The following ZC2HC1A variants were observed in gnomAD, a reference collection of about 807,000 sequenced individuals.
ZC2HC1A encodes zinc finger C2HC domain-containing protein 1A.
ZC2HC1A carries 28 observed loss-of-function variants against 40.7 expected under a neutral mutation model. The ratio of observed to expected loss-of-function variants is 0.69; its 90% CI spans 0.51 to 0.94. The LOEUF (loss-of-function observed/expected upper bound fraction) is 0.94, where lower values mean the gene tolerates loss of function less well. ZC2HC1A is among the 40% of genes least tolerant of loss of function. The pLI is 0.00. For synonymous variants in ZC2HC1A, 129 were observed against 129.2 expected, an observed-to-expected ratio of 1.00 and a Z score of 0.01; for missense variants, 389 against 386.3, an observed-to-expected ratio of 1.01 and a Z score of -0.06.
intron 7 of ZC2HC1A, among the ~76,000 whole-genome samples, chr8:78,712,517 T>C (rs1810983068): frequency 6.6e-6 from 1 of 152,140 alleles, no homozygotes; most frequent in African/African-American, 2.4e-5. Flanking sequence ...GGTGAACTAT[T>C]ATAAAAAGCC....
intron 3 of ZC2HC1A, among the ~76,000 whole-genome samples, chr8:78,682,467 G>A (rs1016728313): frequency 2.6e-5 from 4 of 152,134 alleles, no homozygotes; most frequent in African/African-American, 9.7e-5. Context: ...GCAGACAAGA[G>A]CAGGGGAACT....
At position 78,689,356 on chromosome 8, in the gene ZC2HC1A, A is replaced by G; in HGVS notation, c.487A>G (p.Thr163Ala). The G allele has an allele frequency of 5.0e-6, 8 of 1,592,674 alleles. No individual in the cohort carries two copies. Among genetic ancestry groups the G allele is most frequent in the Non-Finnish European group, 6.8e-6 (8 of 1,170,790 alleles). Reference protein sequence around the residue: ...KFSTDTKGKPTSRTQVYKPPA... With the variant: ...KFSTDTKGKPASRTQVYKPPA... Reference sequence around the variant, plus strand: ...TTCTACAGATACCAAAGGAAAACCAACTTCTCGGACACAGGTGGTAAGTTC... The same window carrying G: ...TTCTACAGATACCAAAGGAAAACCAGCTTCTCGGACACAGGTGGTAAGTTC... The change falls in exon 5 of 9, where the codon ACT (threonine) becomes GCT (alanine). Residue 163 changes from threonine (T) to alanine (A), a missense_variant. Thr to Ala is a moderately conservative substitution (Grantham distance 58, BLOSUM62 0). Transcript: ENST00000263849.
At chr8:78,676,762 AT>A (rs886668332) in intron 2 of ZC2HC1A, among the ~76,000 whole-genome samples, 1 of 151,724 alleles carries the variant, frequency 6.6e-6, no homozygotes, top group Non-Finnish European at 1.5e-5. Flanking sequence ...ACATTCAATG[AT>A]TTTTTTCTTA....
intron 7 of ZC2HC1A, among the ~76,000 whole-genome samples, chr8:78,709,703 A>G (rs1810893928): frequency 6.6e-6 from 1 of 151,944 alleles, no homozygotes; most frequent in Non-Finnish European, 1.5e-5. Context: ...ACGAACGCTA[A>G]TGATAGCTGA....
At chr8:78,683,594 C>A (rs942545122) in intron 3 of ZC2HC1A, among the ~76,000 whole-genome samples, 1 of 152,126 alleles carries the variant, frequency 6.6e-6, no homozygotes, top group African/African-American at 2.4e-5. Context: ...CCTTCTAGGC[C>A]TCTGAACCTG....
rs139096132 is a variant in ZC2HC1A, at chr8:78,702,690, C to T, written c.704+4177C>T. On this transcript the variant is annotated intron_variant, in intron 7 of 8. Transcript: ENST00000263849. ...GTACTCTAAGTTTCAAAGCACTTCC[C>T]GATTTCTGCGTTAATTTCATTATTT... 1.6e-3 allele frequency among the ~76,000 whole-genome samples: 237 copies of T among 152,150 alleles called. 2 individuals are homozygous for T. Among genetic ancestry groups the T allele is most frequent in the African/African-American group, 5.3e-3 (218 of 41,502 alleles).
intron 3 of ZC2HC1A, among the ~76,000 whole-genome samples, chr8:78,681,833 T>C (rs889975518): frequency 2.6e-5 from 4 of 152,150 alleles, no homozygotes; most frequent in Middle Eastern, 3.4e-3. Context: ...TATCTTCTTG[T>C]CTTTTTCATA....
intron 7 of ZC2HC1A, among the ~76,000 whole-genome samples, chr8:78,703,541 T>C (rs1440640282): frequency 6.6e-6 from 1 of 151,590 alleles, no homozygotes; most frequent in Non-Finnish European, 1.5e-5. Flanking sequence ...CCCTTCTTTT[T>C]TTTTTTTTTT....
chr8:78,674,929 A>G (rs531898375), intron 1 of ZC2HC1A, among the ~76,000 whole-genome samples: 7 of 152,234 alleles, frequency 4.6e-5, no homozygotes, highest in South Asian at 2.1e-4. Flanking sequence ...AGCAGAAACT[A>G]TGGGGAACAT....
intron 5 of ZC2HC1A, among the ~76,000 whole-genome samples, chr8:78,694,748 T>A (rs1810343760): frequency 6.6e-6 from 1 of 152,190 alleles, no homozygotes; most frequent in African/African-American, 2.4e-5. Context: ...TCATTAGTCA[T>A]TAGTCTTTGT....
chr8:78,670,149 T>G (rs1298519345), intron 1 of ZC2HC1A, among the ~76,000 whole-genome samples: 1 of 151,894 alleles, frequency 6.6e-6, no homozygotes, highest in Non-Finnish European at 1.5e-5. Context: ...GTATTTTTAG[T>G]AGAGATGGGG....
chr8:78,711,217 T>C (rs1479288150), intron 7 of ZC2HC1A, among the ~76,000 whole-genome samples: 3 of 152,156 alleles, frequency 2.0e-5, no homozygotes, highest in African/African-American at 7.2e-5. Flanking sequence ...ATAATTCAAT[T>C]TTCCCTGCTT....
rs1015685340 is a variant in ZC2HC1A, at chr8:78,719,381, G to A, written c.*1888G>A. On this transcript the variant is annotated 3_prime_UTR_variant, in exon 9 of 9. Coordinates refer to ENST00000263849, the MANE Select transcript of ZC2HC1A (RefSeq NM_016010.3). Reference sequence around the variant, plus strand: ...AGATGAGTTGGTAAGAAATCATCTAGTTCCAGAGCCCAGAGATTATAAACA... The same window carrying A: ...AGATGAGTTGGTAAGAAATCATCTAATTCCAGAGCCCAGAGATTATAAACA... The A allele has an allele frequency of 6.6e-6, 1 of 151,630 alleles. No homozygotes were observed. Among genetic ancestry groups the A allele is most frequent in the Non-Finnish European group, 1.5e-5 (1 of 67,652 alleles). 9.4% of individuals were successfully genotyped at this position (151,630 alleles called of 1,614,324 possible).
chr8:78,668,721 T>A (rs951724645), intron 1 of ZC2HC1A, among the ~76,000 whole-genome samples: 1 of 152,194 alleles, frequency 6.6e-6, no homozygotes, highest in Non-Finnish European at 1.5e-5. Flanking sequence ...TAGATAGTTA[T>A]AGCAAAACCT....
In ZC2HC1A at chr8:78,675,808, T is replaced by A; in HGVS notation, c.38T>A (p.Val13Asp). 3 of 1,609,762 alleles carry A rather than the reference T, an allele frequency of 1.9e-6. No homozygotes were observed. The highest frequency in any genetic ancestry group is 2.5e-6 in the Non-Finnish European group (3 of 1,177,456). ...TTAGAGAATGGAGGTGTTGTCCAAG[T>A]TGGAGAATTGTTACCTTGCAAGATT... ...GLEENGGVVQ[V>D]GELLPCKICG... Residue 13 changes from valine (V) to aspartate (D), a missense_variant, in exon 2 of 9, where the codon GTT (valine) becomes GAT (aspartate). By Grantham distance (152) the Val-to-Asp change is radical. Transcript: ENST00000263849.
At chr8:78,708,373 G>T (rs754358506) in intron 7 of ZC2HC1A, among the ~76,000 whole-genome samples, 1 of 151,958 alleles carries the variant, frequency 6.6e-6, no homozygotes, top group Non-Finnish European at 1.5e-5. Flanking sequence ...TTGGTTGTTT[G>T]CTTCTAGACA....
chr8:78,680,448 A>T (rs942850065), intron 3 of ZC2HC1A, among the ~76,000 whole-genome samples: 3 of 152,140 alleles, frequency 2.0e-5, no homozygotes, highest in African/African-American at 7.2e-5. Flanking sequence ...CCTCCCAAAC[A>T]TACTGAATTA....
At chr8:78,688,927 G>A (rs138406671) in intron 4 of ZC2HC1A, among the ~76,000 whole-genome samples, 2 of 151,608 alleles carry the variant, frequency 1.3e-5, no homozygotes, top group African/African-American at 4.8e-5. Context: ...AAGAAATAAC[G>A]TTTTTCCTCT....
At chr8:78,675,060 C>CT (rs1333505519) in intron 1 of ZC2HC1A, among the ~76,000 whole-genome samples, 2 of 150,826 alleles carry the variant, frequency 1.3e-5, no homozygotes, top group African/African-American at 4.9e-5. Context: ...AATGCAGTTT[C>CT]TTTTTTTGTA....
Sources: allele counts gnomAD v4.1 joint callset (sites outside exome capture counted in the v4.1 genomes callset), GRCh38; gene constraint gnomAD v4.1.1; transcripts MANE v1.5; gene names NCBI Gene and HGNC (gene_info 2026-07-23, HGNC 2026-07-21).